The following ASS1 variants were observed in gnomAD, a reference collection of about 807,000 sequenced individuals.
The protein encoded by ASS1 is argininosuccinate synthase.
A neutral mutation model predicts 60.5 loss-of-function variants in ASS1; 58 were observed. That is an observed-to-expected ratio of 0.96 (90% confidence interval 0.78 to 1.19). The LOEUF is 1.19. ASS1 is among the 50% of genes most tolerant of loss of function. The pLI, the probability that ASS1 is intolerant of heterozygous loss-of-function variation, is 0.00. For synonymous variants in ASS1, 200 were observed against 206.9 expected (o/e 0.97, Z 0.29); for missense variants, 454 against 547.3 (o/e 0.83, Z 1.70).
At chr9:130,473,599 G>T (rs1042065311) in intron 8 of ASS1, among the ~76,000 whole-genome samples, 1 of 152,190 alleles carries the variant, frequency 6.6e-6, no homozygotes, top group African/African-American at 2.4e-5. Context: ...CTCAACGTCA[G>T]GACGCACCCT....
chr9:130,480,549 C>T (rs1588496452), intron 11 of ASS1, 100 bp downstream of exon 11: 10 of 1,313,690 alleles, frequency 7.6e-6, no homozygotes, highest in African/African-American at 1.5e-5. Context: ...CCCCATGCTC[C>T]GTGGGCGACC....
intron 3 of ASS1, among the ~76,000 whole-genome samples, chr9:130,458,158 CAAAA>C (rs5900899): frequency 4.7e-5 from 5 of 105,308 alleles, no homozygotes; most frequent in Admixed American, 2.1e-4. Context: ...GACTTCGACT[CAAAA>C]AAAAAAAAAA....
intron 11 of ASS1, among the ~76,000 whole-genome samples, chr9:130,482,264 C>T (rs1488359780): frequency 1.3e-5 from 2 of 151,938 alleles, no homozygotes; most frequent in African/African-American, 4.8e-5. Flanking sequence ...AGCCATCAGT[C>T]CCCCGGGCAT....
At chr9:130,472,314 G>A (rs1446826108) in intron 8 of ASS1, among the ~76,000 whole-genome samples, 1 of 152,064 alleles carries the variant, frequency 6.6e-6, no homozygotes, top group South Asian at 2.1e-4. Context: ...GGTGAAATTG[G>A]GGAGCGCCAG....
chr9:130,446,980 T>C (rs1845210245), intron 1 of ASS1, among the ~76,000 whole-genome samples: 1 of 152,150 alleles, frequency 6.6e-6, no homozygotes, highest in African/African-American at 2.4e-5. Flanking sequence ...TTGATATGAG[T>C]GGAACGAATG....
Position 130,458,456 on chromosome 9 carries a change from T to G in ASS1, c.230T>G (p.Ile77Ser). 6.2e-7 allele frequency: 1 copy of G among 1,612,194 alleles called. No individual in the cohort carries two copies. Among genetic ancestry groups the G allele is most frequent in the Non-Finnish European group, 8.5e-7 (1 of 1,179,866 alleles). The change falls in exon 4 of 15, where the codon ATC becomes AGC. Residue 77 changes from isoleucine to serine, a missense_variant. Ile to Ser is a moderately radical substitution (Grantham distance 142, BLOSUM62 -2). Transcript: ENST00000352480. ...GTGGAGGAGTTCATCTGGCCGGCCA[T>G]CCAGTCCAGCGCACTGTATGAGGAC... is the stretch of plus-strand genomic sequence containing the variant. The part of the protein sequence containing the change: ...EFVEEFIWPA[I>S]QSSALYEDRY...
intron 6 of ASS1, 71 bp downstream of exon 6, chr9:130,466,870 G>A: frequency 6.5e-7 from 1 of 1,548,294 alleles, no homozygotes; most frequent in Admixed American, 1.7e-5. Flanking sequence ...CCCTGCTGGG[G>A]GCTGTCTGAG....
At chr9:130,468,694 A>G (rs1020179499) in intron 6 of ASS1, among the ~76,000 whole-genome samples, 1 of 152,054 alleles carries the variant, frequency 6.6e-6, no homozygotes, top group African/African-American at 2.4e-5. Flanking sequence ...GGCCTCCCCA[A>G]AGTATTGGGA....
chr9:130,450,196 G>A (rs181409069), intron 1 of ASS1: 188 of 901,550 alleles, frequency 2.1e-4, no homozygotes, highest in Admixed American at 2.5e-4. Flanking sequence ...GAGATTGGGC[G>A]GCTGGAAAGT....
At chr9:130,498,372 A>G (rs918185285) in intron 13 of ASS1, among the ~76,000 whole-genome samples, 3 of 152,170 alleles carry the variant, frequency 2.0e-5, no homozygotes, top group African/African-American at 7.2e-5. Flanking sequence ...TCAGAGGCTC[A>G]GAGGCTGGCC....
Position 130,489,353 on chromosome 9 carries a change from G to T in ASS1, c.859G>T (p.Gly287Cys). 1.2e-6 allele frequency: 2 copies of T among 1,613,786 alleles called. No homozygotes were observed. The highest frequency in any genetic ancestry group is 2.7e-5 in the African/African-American group (2 of 74,920). Residue 287 changes from glycine to cysteine, a missense_variant, in exon 12 of 15, where the codon GGC becomes TGC. Physicochemically the swap from Gly to Cys is radical, Grantham distance 159. Coordinates refer to ENST00000352480, the MANE Select transcript of ASS1 (RefSeq NM_054012.4). This position sits in a 1 kb window ranked among gnomAD's most constrained non-coding sequence, Gnocchi z 4.1. ...KSRGIYETPA[G>C]TILYHAHLDI... ...GCTAGGTATCTACGAGACCCCAGCAGGCACCATCCTTTACCATGCTCATTT... is the reference window on the plus strand; with the variant it reads ...GCTAGGTATCTACGAGACCCCAGCATGCACCATCCTTTACCATGCTCATTT...
Position 130,489,561 on chromosome 9 carries a change from A to T in ASS1, c.970+97A>T. The T allele has an allele frequency of 1.3e-6, 2 of 1,582,730 alleles. No homozygotes were observed. The highest frequency in any genetic ancestry group is 1.7e-6 in the Non-Finnish European group (2 of 1,156,876). Reference sequence around the variant, plus strand: ...GCCTGGCCCTCCCCTCCGTATCAGCACCTTCCTCCCCTGCCGCCCACTGCC... The same window carrying T: ...GCCTGGCCCTCCCCTCCGTATCAGCTCCTTCCTCCCCTGCCGCCCACTGCC... On this transcript the variant is annotated intron_variant, in intron 12 of 14. Transcript: ENST00000352480. This position sits in a 1 kb window ranked among gnomAD's most constrained non-coding sequence, Gnocchi z 4.1.
At position 130,494,502 on chromosome 9, in the gene ASS1, A is replaced by G. The variant is rs990075005; in HGVS notation, c.971-365A>G. ...AGGTCTTCTGCCTCCCCCGGAGATTAGAGCCTCCATTGGGCCAGGGATGGG... is the reference window on the plus strand; with the variant it reads ...AGGTCTTCTGCCTCCCCCGGAGATTGGAGCCTCCATTGGGCCAGGGATGGG... On this transcript the variant is annotated intron_variant, in intron 12 of 14. Coordinates refer to ENST00000352480, the MANE Select transcript of ASS1 (RefSeq NM_054012.4). This position sits in a 1 kb window ranked among gnomAD's most constrained non-coding sequence, Gnocchi z 4.3. Among the ~76,000 whole-genome samples, 17 of 152,228 alleles carry G rather than the reference A, an allele frequency of 1.1e-4. No homozygotes were observed. The highest frequency in any genetic ancestry group is 4.1e-4 in the African/African-American group (17 of 41,462).
chr9:130,474,218 G>A (rs1449124913), intron 8 of ASS1, among the ~76,000 whole-genome samples: 1 of 152,072 alleles, frequency 6.6e-6, no homozygotes, highest in Admixed American at 6.5e-5. Flanking sequence ...ACCGCGGAAT[G>A]CAAAGCAAAT....
intron 8 of ASS1, among the ~76,000 whole-genome samples, chr9:130,473,691 T>G (rs1234051052): frequency 6.6e-6 from 1 of 151,730 alleles, no homozygotes; most frequent in Non-Finnish European, 1.5e-5. Flanking sequence ...CCCCTCCCCC[T>G]CTCCAAAAGA....
chr9:130,469,171 C>T (rs1588485511), intron 6 of ASS1, among the ~76,000 whole-genome samples: 1 of 152,182 alleles, frequency 6.6e-6, no homozygotes, highest in East Asian at 1.9e-4. Flanking sequence ...GCCCAGCAGG[C>T]CACCAGGACA....
rs374543418 is a variant in ASS1 at position 130,461,438 on chromosome 9, G to A, written c.364-2673G>A. Among the ~76,000 whole-genome samples the A allele has an allele frequency of 6.4e-4, 96 of 150,988 alleles. 1 individual carries two copies. The South Asian group carries it at 6.4e-3, about 10-fold the overall frequency. On this transcript the variant is annotated intron_variant, in intron 4 of 14. Coordinates refer to ENST00000352480, the MANE Select transcript of ASS1 (RefSeq NM_054012.4). Reference sequence around the variant, plus strand: ...ACCGGGGTCCTCTGTTCCCCATCCTGGACCTGCAGGGCGTGGTTCTGAGGA... The same window carrying A: ...ACCGGGGTCCTCTGTTCCCCATCCTAGACCTGCAGGGCGTGGTTCTGAGGA...
chr9:130,477,809 T>G lies in ASS1; in HGVS notation c.688+848T>G, dbSNP rs1033504701. ...AAGGACCAGGCGGGGGGCTGGCCCATTCGTCCACAAAGTGGCTGCCCACAC... is the reference window on the plus strand; with the variant it reads ...AAGGACCAGGCGGGGGGCTGGCCCAGTCGTCCACAAAGTGGCTGCCCACAC... On this transcript the variant is annotated intron_variant, in intron 9 of 14. Coordinates refer to ENST00000352480, the MANE Select transcript of ASS1 (RefSeq NM_054012.4). The surrounding 1 kb of genome is among the most constrained non-coding windows in gnomAD (Gnocchi z 4.2). 6.6e-6 allele frequency among the ~76,000 whole-genome samples: 1 copy of G among 152,098 alleles called. No homozygotes were observed. The highest frequency in any genetic ancestry group is 2.4e-5 in the African/African-American group (1 of 41,404).
chr9:130,481,661 G>A (rs1209111961), intron 11 of ASS1, among the ~76,000 whole-genome samples: 1 of 152,206 alleles, frequency 6.6e-6, no homozygotes, highest in Non-Finnish European at 1.5e-5. Flanking sequence ...GTGTAATGCG[G>A]TAGGCGCTGG....
Sources: gnomAD v4.1 joint callset for allele counts (sites outside exome capture counted in the v4.1 genomes callset) on GRCh38, gnomAD v4.1.1 for gene constraint, Gnocchi (gnomAD v3.1) non-coding constraint, MANE v1.5 for transcripts, NCBI Gene and HGNC (gene_info 2026-07-23, HGNC 2026-07-21) for gene names.